FRMPD3: variants seen among roughly 807,000 people sequenced by gnomAD.
The protein encoded by FRMPD3 is FERM and PDZ domain-containing protein 3.
FRMPD3 carries 42 observed loss-of-function variants against 97.9 expected under a neutral mutation model. The ratio of observed to expected loss-of-function variants is 0.43; its 90% CI spans 0.34 to 0.55. The LOEUF is 0.55. Ranked by LOEUF, FRMPD3 falls within the 20% of genes least tolerant of loss-of-function variation. The pLI is 0.03. For missense variants in FRMPD3, 1,303 were observed against 1,457.7 expected, an observed-to-expected ratio of 0.89 and a Z score of 1.73; for synonymous variants, 577 against 581.1, an observed-to-expected ratio of 0.99 and a Z score of 0.10.
intron 1 of FRMPD3, among the ~76,000 whole-genome samples, chrX:107,484,007 C>T (rs749443280): frequency 8.9e-6 from 1 of 112,222 alleles, no homozygotes; most frequent in Non-Finnish European, 1.9e-5. Flanking sequence ...CTCACTCACC[C>T]TCCCTGGGCT....
At position 107,601,208 on chromosome X, in the gene FRMPD3, C is replaced by G; in HGVS notation, c.3169C>G (p.Gln1057Glu). The change falls in exon 15 of 15, where the codon CAA becomes GAA. Residue 1057 changes from glutamine to glutamate, a missense_variant. Coordinates refer to ENST00000683843, the MANE Select transcript of FRMPD3 (RefSeq NM_001388459.1). ...CCAACAAGAGGACAGTCTGCCTGTT[C>G]AAAATTTCCCTCCCAAAAGCTATCT... ...LSQQEDSLPV[Q>E]NFPPKSYLLR... The G allele has an allele frequency of 8.3e-7, 1 of 1,208,315 alleles. No individual in the cohort carries two copies.
intron 13 of FRMPD3, among the ~76,000 whole-genome samples, chrX:107,587,074 G>T (rs1430219929): frequency 9.0e-6 from 1 of 111,688 alleles, no homozygotes. Flanking sequence ...CTATTATTGT[G>T]TGGGAGTCTA....
intron 13 of FRMPD3, among the ~76,000 whole-genome samples, chrX:107,590,607 C>T (rs1375062919): frequency 8.9e-6 from 1 of 112,298 alleles, no homozygotes; most frequent in Non-Finnish European, 1.9e-5. Context: ...TAGTTTTTGT[C>T]CTCTAGTCTA....
chrX:107,561,127 C>A (rs917143094), intron 10 of FRMPD3, among the ~76,000 whole-genome samples: 1 of 111,635 alleles, frequency 9.0e-6, no homozygotes, highest in Non-Finnish European at 1.9e-5. Flanking sequence ...TTCTCAGGTC[C>A]TTTTCACCAA....
intron 13 of FRMPD3, among the ~76,000 whole-genome samples, chrX:107,581,105 C>CTGTT (rs1023079689): frequency 8.2e-5 from 9 of 110,384 alleles, no homozygotes; most frequent in South Asian, 3.9e-4. Flanking sequence ...CTTTTTTGCT[C>CTGTT]TGTTTGTTTG....
chrX:107,546,326 A>T (rs914999124), intron 5 of FRMPD3, among the ~76,000 whole-genome samples: 2 of 111,750 alleles, frequency 1.8e-5, no homozygotes, highest in Non-Finnish European at 3.8e-5. Flanking sequence ...TTAAGTCACC[A>T]AGTTTTTATT....
intron 1 of FRMPD3, among the ~76,000 whole-genome samples, chrX:107,509,936 TAATG>T (rs932966583): frequency 9.0e-6 from 1 of 111,012 alleles, no homozygotes; most frequent in Non-Finnish European, 1.9e-5. Context: ...TTACATATAT[TAATG>T]AATGAATGAA....
chrX:107,489,466 T>A (rs1286669558), intron 1 of FRMPD3, among the ~76,000 whole-genome samples: 2 of 111,664 alleles, frequency 1.8e-5, no homozygotes, highest in East Asian at 5.6e-4. Context: ...TGTAAAAGTG[T>A]TCCTATTTCT....
In FRMPD3 at chrX:107,528,283, C is replaced by T. The variant is rs145795285; in HGVS notation, c.148+1547C>T. ...GCCGTAATAAAGACAAAAAAAGTGTCCTACAGAGGAGCAATTATGGTTGAT... is the reference window on the plus strand; with the variant it reads ...GCCGTAATAAAGACAAAAAAAGTGTTCTACAGAGGAGCAATTATGGTTGAT... On this transcript the variant is annotated intron_variant, in intron 2 of 14. Coordinates refer to ENST00000683843, the MANE Select transcript of FRMPD3 (RefSeq NM_001388459.1). 9.0e-3 allele frequency among the ~76,000 whole-genome samples: 1,001 copies of T among 111,777 alleles called. 15 individuals carry two copies. In the South Asian group the frequency reaches 0.14, roughly 16 times the overall value.
intron 1 of FRMPD3, among the ~76,000 whole-genome samples, chrX:107,482,922 A>G (rs888802549): frequency 4.5e-5 from 5 of 111,811 alleles, no homozygotes; most frequent in African/African-American, 1.6e-4. Context: ...GCAGTTCTCA[A>G]AAAAACTCCC....
In FRMPD3 at chrX:107,605,027, G is replaced by C. The variant is rs1354618250; in HGVS notation, c.*1654G>C. The C allele has an allele frequency of 2.7e-5, 3 of 110,083 alleles. No individual in the cohort carries two copies. Among genetic ancestry groups the C allele is most frequent in the Non-Finnish European group, 5.7e-5 (3 of 52,780 alleles). The allele number at this position is 110,083 out of a possible 1,213,427, so 9.1% of individuals were successfully genotyped here. ...TTTTCCCCTCAGCCACTGCAAGCTGGAGTGCTGATATGGTCTTCTTTTTCT... is the reference window on the plus strand; with the variant it reads ...TTTTCCCCTCAGCCACTGCAAGCTGCAGTGCTGATATGGTCTTCTTTTTCT... On this transcript the variant is annotated 3_prime_UTR_variant, in exon 15 of 15. Coordinates refer to ENST00000683843, the MANE Select transcript of FRMPD3 (RefSeq NM_001388459.1).
intron 1 of FRMPD3, among the ~76,000 whole-genome samples, chrX:107,460,821 C>G (rs12688495): frequency 9.0e-6 from 1 of 111,217 alleles, no homozygotes; most frequent in African/African-American, 3.3e-5. Context: ...TCCTGTGTGC[C>G]GCACTGGCTC....
intron 1 of FRMPD3, among the ~76,000 whole-genome samples, chrX:107,502,107 C>T (rs1385334923): frequency 9.0e-6 from 1 of 110,845 alleles, no homozygotes; most frequent in Non-Finnish European, 1.9e-5. Context: ...AACAAAGCAG[C>T]TCACAAATGA....
At chrX:107,545,215 A>G (rs1837852471) in intron 4 of FRMPD3, 1 of 112,015 alleles carries the variant, frequency 8.9e-6, no homozygotes, top group South Asian at 3.7e-4. Flanking sequence ...CTATTCCCCA[A>G]TAGTGTAGTA....
At chrX:107,478,713 G>A (rs1481743950) in intron 1 of FRMPD3, among the ~76,000 whole-genome samples, 1 of 112,078 alleles carries the variant, frequency 8.9e-6, no homozygotes, top group Non-Finnish European at 1.9e-5. Context: ...GTAAAGCCGA[G>A]CCATGCAATC....
intron 1 of FRMPD3, among the ~76,000 whole-genome samples, chrX:107,468,345 C>T (rs759864194): frequency 8.3e-4 from 93 of 112,133 alleles, no homozygotes; most frequent in African/African-American, 2.8e-3. Flanking sequence ...TTTCATTCAA[C>T]GAACAAATAT....
intron 4 of FRMPD3, among the ~76,000 whole-genome samples, chrX:107,535,966 C>T (rs1316751016): frequency 1.8e-5 from 2 of 111,523 alleles, no homozygotes; most frequent in African/African-American, 3.3e-5. Flanking sequence ...AAGGATTCCT[C>T]GTGTTGTCCT....
At chrX:107,462,684 C>T (rs1312803870) in intron 1 of FRMPD3, among the ~76,000 whole-genome samples, 1 of 111,859 alleles carries the variant, frequency 8.9e-6, no homozygotes, top group East Asian at 2.8e-4. Context: ...CCCCTGGAAA[C>T]GTTAATTCAT....
chrX:107,576,498 G>A (rs1256963611), intron 13 of FRMPD3, 39 bp downstream of exon 13: 1 of 1,193,156 alleles, frequency 8.4e-7, no homozygotes, highest in East Asian at 3.0e-5. Flanking sequence ...TGTGCCAGAG[G>A]CCCTTTGGAC....
Sources: allele counts gnomAD v4.1 joint callset (sites outside exome capture counted in the v4.1 genomes callset), GRCh38; gene constraint gnomAD v4.1.1; transcripts MANE v1.5; gene names NCBI Gene and HGNC (gene_info 2026-07-23, HGNC 2026-07-21).